DTD1: variants seen among roughly 807,000 people sequenced by gnomAD.
DTD1 encodes D-aminoacyl-tRNA deacylase 1.
In DTD1, 13 loss-of-function variants were observed where a neutral mutation model predicts 25.6. The observed-to-expected ratio is 0.51, with a 90% CI of 0.33 to 0.81. The LOEUF is 0.81. Ranked by LOEUF, DTD1 falls within the 30% of genes least tolerant of loss-of-function variation. The probability of loss-of-function intolerance (pLI) is 0.02; values close to 1 mark genes in which losing one functional copy is unlikely to be tolerated. For synonymous variants in DTD1, 110 were observed against 103.6 expected (o/e 1.06, Z -0.37); for missense variants, 193 against 266.4 (o/e 0.72, Z 1.92).
At chr20:18,664,883 A>C (rs1419355981) in intron 4 of DTD1, among the ~76,000 whole-genome samples, 1 of 152,076 alleles carries the variant, frequency 6.6e-6, no homozygotes, top group Non-Finnish European at 1.5e-5. Flanking sequence ...AGTTGCCTCA[A>C]ATCCCATCTT....
At chr20:18,670,502 A>T (rs2060948047) in intron 4 of DTD1, among the ~76,000 whole-genome samples, 1 of 152,208 alleles carries the variant, frequency 6.6e-6, no homozygotes, top group African/African-American at 2.4e-5. Context: ...ACTTCTCAAG[A>T]GCTCATCTCT....
intron 4 of DTD1, among the ~76,000 whole-genome samples, chr20:18,668,579 T>A (rs1804947287): frequency 6.6e-6 from 1 of 152,070 alleles, no homozygotes; most frequent in South Asian, 2.1e-4. Flanking sequence ...CAAGGCCCCA[T>A]CCTGAGTGTG....
intron 3 of DTD1, among the ~76,000 whole-genome samples, chr20:18,618,447 C>A (rs945198957): frequency 5.9e-5 from 9 of 151,360 alleles, no homozygotes; most frequent in Admixed American, 3.3e-4. Flanking sequence ...CTCAACCTCC[C>A]AGGCTAAAGC....
At chr20:18,727,706 A>G (rs1011798375) in intron 4 of DTD1, among the ~76,000 whole-genome samples, 1 of 152,146 alleles carries the variant, frequency 6.6e-6, no homozygotes, top group Non-Finnish European at 1.5e-5. Context: ...CCTGAGCTGT[A>G]GATTTCTCTA....
At chr20:18,645,285 G>A (rs1230607588) in intron 4 of DTD1, among the ~76,000 whole-genome samples, 1 of 152,186 alleles carries the variant, frequency 6.6e-6, no homozygotes, top group Non-Finnish European at 1.5e-5. Flanking sequence ...GAGTTTTATT[G>A]AAGCATCTAA....
intron 3 of DTD1, among the ~76,000 whole-genome samples, chr20:18,611,478 A>G (rs183962066): frequency 4.2e-4 from 64 of 152,372 alleles, no homozygotes; most frequent in African/African-American, 1.4e-3. Flanking sequence ...GTAAAGTTTA[A>G]TTAGATTTAA....
chr20:18,649,326 C>CTTTT (rs55766733), intron 4 of DTD1, among the ~76,000 whole-genome samples: 1,537 of 57,676 alleles, frequency 0.027, 117 homozygotes, highest in East Asian at 0.029. Flanking sequence ...ATTCATCTTT[C>CTTTT]TTTTTTTTTT....
intron 5 of DTD1, among the ~76,000 whole-genome samples, chr20:18,751,319 TTACAATATACA>T (rs977406632): frequency 6.6e-6 from 1 of 152,062 alleles, no homozygotes. Context: ...GCCCTGGAGT[TTACAATATACA>T]TTTTTAACTA....
At chr20:18,758,238 A>AT (rs1170890716) in intron 5 of DTD1, among the ~76,000 whole-genome samples, 41 of 151,924 alleles carry the variant, frequency 2.7e-4, no homozygotes, top group Non-Finnish European at 5.2e-4. Context: ...GGATTCATTG[A>AT]TTTTTTGAAG....
intron 4 of DTD1, among the ~76,000 whole-genome samples, chr20:18,656,956 A>T (rs2060893730): frequency 6.6e-6 from 1 of 152,250 alleles, no homozygotes; most frequent in African/African-American, 2.4e-5. Flanking sequence ...CATACAAAAA[A>T]AGTTGCAAAA....
chr20:18,651,046 A>G (rs1221600640), intron 4 of DTD1, among the ~76,000 whole-genome samples: 1 of 152,232 alleles, frequency 6.6e-6, no homozygotes, highest in Non-Finnish European at 1.5e-5. Flanking sequence ...GAACCTGATT[A>G]TTTATGGGAA....
At chr20:18,752,611 C>G (rs542679067) in intron 5 of DTD1, among the ~76,000 whole-genome samples, 83 of 152,184 alleles carry the variant, frequency 5.5e-4, no homozygotes, top group Non-Finnish European at 9.7e-4. Flanking sequence ...TCATTAGAGC[C>G]CTTAACATAT....
intron 4 of DTD1, among the ~76,000 whole-genome samples, chr20:18,720,253 A>G (rs950351583): frequency 6.6e-6 from 1 of 152,204 alleles, no homozygotes; most frequent in Non-Finnish European, 1.5e-5. Context: ...AAAATGACCA[A>G]TTGGTTTTCT....
At chr20:18,746,762 A>G (rs2061302062) in intron 5 of DTD1, among the ~76,000 whole-genome samples, 1 of 152,186 alleles carries the variant, frequency 6.6e-6, no homozygotes, top group Non-Finnish European at 1.5e-5. Context: ...TCCCAAATGG[A>G]TACACAGACG....
chr20:18,731,239 A>G (rs1473539817), intron 4 of DTD1, among the ~76,000 whole-genome samples: 1 of 152,178 alleles, frequency 6.6e-6, no homozygotes, highest in Non-Finnish European at 1.5e-5. Context: ...TTCCTATCCT[A>G]CAGATGACTG....
intron 4 of DTD1, among the ~76,000 whole-genome samples, chr20:18,712,733 A>G (rs1203785786): frequency 6.6e-6 from 1 of 152,144 alleles, no homozygotes; most frequent in Non-Finnish European, 1.5e-5. Flanking sequence ...AGCTTACCGG[A>G]TACTTCTCTA....
At chr20:18,700,244 C>T (rs1322867205) in intron 4 of DTD1, among the ~76,000 whole-genome samples, 1 of 152,210 alleles carries the variant, frequency 6.6e-6, no homozygotes, top group Non-Finnish European at 1.5e-5. Context: ...TGGTATCAGT[C>T]AGGTTTCTCT....
intron 4 of DTD1, among the ~76,000 whole-genome samples, chr20:18,701,381 T>C (rs1191098327): frequency 6.6e-6 from 1 of 152,256 alleles, no homozygotes; most frequent in African/African-American, 2.4e-5. Context: ...ATAGAAATGG[T>C]CTTCTTTAAG....
chr20:18,727,304 A>G (rs542665517), intron 4 of DTD1, among the ~76,000 whole-genome samples: 17 of 152,314 alleles, frequency 1.1e-4, no homozygotes, highest in South Asian at 8.3e-4. Context: ...GAGGTGGCTC[A>G]GAAGCCCCAG....
Sources: allele counts gnomAD v4.1 joint callset (sites outside exome capture counted in the v4.1 genomes callset), GRCh38; gene constraint gnomAD v4.1.1; transcripts MANE v1.5; gene names NCBI Gene and HGNC (gene_info 2026-07-23, HGNC 2026-07-21).